Variants in DHX32 observed in about 807,000 individuals in gnomAD.
DHX32 encodes the protein DEAH-box helicase 32 (putative).
DHX32 carries 51 observed loss-of-function variants against 70.0 expected under a neutral mutation model. That is an observed-to-expected ratio of 0.73 (90% CI 0.58 to 0.92). DHX32 has a LOEUF of 0.92. Ranked by LOEUF, DHX32 falls within the 40% of genes least tolerant of loss-of-function variation. DHX32 has a pLI of 0.00. For synonymous variants in DHX32, 310 were observed against 315.3 expected (o/e 0.98, Z 0.18); for missense variants, 762 against 891.8 (o/e 0.85, Z 1.85).
exon 1 of DHX32, chr10:125,896,409 A>T: frequency 1.6e-6 from 1 of 607,744 alleles, no homozygotes; most frequent in South Asian, 9.3e-5. Context: ...GGGCTTCAGG[A>T]GCAGTGTCCT....
upstream of DHX32, among the ~76,000 whole-genome samples, chr10:125,885,390 C>T (rs192961007): frequency 1.3e-4 from 20 of 152,176 alleles, no homozygotes; most frequent in Non-Finnish European, 2.1e-4. Flanking sequence ...TTATCCTGGA[C>T]GATCCTGGTG....
At chr10:125,862,685 TG>T (rs1406953271) in intron 2 of DHX32, among the ~76,000 whole-genome samples, 1 of 152,176 alleles carries the variant, frequency 6.6e-6, no homozygotes, top group Admixed American at 6.5e-5. Context: ...AAGGGAATTG[TG>T]AAGGCTCAAT....
chr10:125,886,761 A>G (rs1944342892), intron 1 of DHX32, among the ~76,000 whole-genome samples: 1 of 152,280 alleles, frequency 6.6e-6, no homozygotes, highest in African/African-American at 2.4e-5. Flanking sequence ...ATCAATTCAG[A>G]AGAGTTATCA....
At chr10:125,842,749 A>G (rs1464780665) in intron 6 of DHX32, 2 of 863,226 alleles carry the variant, frequency 2.3e-6, no homozygotes, top group East Asian at 2.4e-4. Flanking sequence ...AGATGCTAGA[A>G]ATAGTAGACA....
chr10:125,861,076 T>C (rs1449916045), intron 2 of DHX32, among the ~76,000 whole-genome samples: 1 of 151,848 alleles, frequency 6.6e-6, no homozygotes, highest in Non-Finnish European at 1.5e-5. Flanking sequence ...TTTTTACCCA[T>C]TTAAGGTATT....
chr10:125,852,403 G>A lies in DHX32; in HGVS notation c.1241C>T (p.Thr414Met), dbSNP rs751334306. The A allele has an allele frequency of 1.8e-5, 29 of 1,614,044 alleles. No individual in the cohort carries two copies. The highest frequency in any genetic ancestry group is 1.6e-4 in the Middle Eastern group (1 of 6,084). Residue 414 changes from threonine to methionine, a missense_variant, in exon 6 of 11, where the codon ACG (threonine) becomes ATG (methionine). This residue lies in a region of DHX32 where 366 missense variants were observed against 402.6 expected (regional missense o/e 0.91). Transcript: ENST00000284690. The stretch of plus-strand genomic sequence containing the variant: ...CTGCATTTCTGCTGGCTTCAGTGGC[G>A]TCATGTCTTTGGAGGCAAATTCTTC... ...YTEEFASKDM[T>M]PLKPAEMQEA...
At chr10:125,895,591 T>C (rs1489025769) in intron 1 of DHX32, among the ~76,000 whole-genome samples, 1 of 152,260 alleles carries the variant, frequency 6.6e-6, no homozygotes, top group Non-Finnish European at 1.5e-5. Context: ...AAGCAAACCC[T>C]GAATCACTGT....
At chr10:125,856,758 C>T (rs1358737633) in intron 3 of DHX32, among the ~76,000 whole-genome samples, 1 of 151,364 alleles carries the variant, frequency 6.6e-6, no homozygotes, top group Non-Finnish European at 1.5e-5. Flanking sequence ...CCAGCCTGGG[C>T]AACATAGTTA....
chr10:125,880,872 C>T lies in DHX32; in HGVS notation c.-48G>A, dbSNP rs1381636986. On this transcript the variant is annotated 5_prime_UTR_variant, in exon 1 of 11. Coordinates refer to ENST00000284690, the MANE Select transcript of DHX32 (RefSeq NM_018180.3). ...CAGCTGACATTCCACAAGCAAGTTT[C>T]TCCTATCAGTAACCCATTGCAAACA... The T allele has an allele frequency of 6.3e-7, 1 of 1,579,024 alleles. No individual in the cohort carries two copies. The highest frequency in any genetic ancestry group is 1.8e-5 in the Admixed American group (1 of 54,644).
intron 6 of DHX32, among the ~76,000 whole-genome samples, chr10:125,850,519 G>A (rs772548462): frequency 6.6e-6 from 1 of 151,792 alleles, no homozygotes; most frequent in South Asian, 2.1e-4. Flanking sequence ...TACCATGCCC[G>A]GCTAATTTTG....
At position 125,854,218 on chromosome 10, in the gene DHX32, A is replaced by G; in HGVS notation, c.850-15T>C. On this transcript the variant is annotated splice_polypyrimidine_tract_variant and intron_variant, in intron 3 of 10. Transcript: ENST00000284690. Reference sequence around the variant, plus strand: ...TTCTCAATATCCTAAAGAAAAAAAAACCCATGAAAATAAAATACAATGCAA... The same window carrying G: ...TTCTCAATATCCTAAAGAAAAAAAAGCCCATGAAAATAAAATACAATGCAA... The G allele has an allele frequency of 1.3e-6, 2 of 1,565,522 alleles. No homozygotes were observed. Among genetic ancestry groups the G allele is most frequent in the Non-Finnish European group, 1.7e-6 (2 of 1,164,440 alleles).
rs114637739 is a variant in DHX32, at chr10:125,837,268, C to G, written c.2064-413G>C. On this transcript the variant is annotated intron_variant, in intron 10 of 10. Coordinates refer to ENST00000284690, the MANE Select transcript of DHX32 (RefSeq NM_018180.3). ...ACATCCAGCTGCGTAAGCCAGACATCTATGAGTCACTCTTGGTTGCTGCCT... is the reference window on the plus strand; with the variant it reads ...ACATCCAGCTGCGTAAGCCAGACATGTATGAGTCACTCTTGGTTGCTGCCT... 7.2e-3 allele frequency among the ~76,000 whole-genome samples: 1,091 copies of G among 152,284 alleles called. 13 individuals carry two copies. The highest frequency in any genetic ancestry group is 0.025 in the African/African-American group (1,028 of 41,548).
intron 6 of DHX32, among the ~76,000 whole-genome samples, chr10:125,845,132 A>T (rs1302571210): frequency 2.0e-5 from 3 of 152,222 alleles, no homozygotes; most frequent in African/African-American, 7.2e-5. Context: ...GGCCAAGTGG[A>T]GTCCAAGGCC....
chr10:125,861,471 T>C (rs182856793), intron 2 of DHX32, among the ~76,000 whole-genome samples: 143 of 152,292 alleles, frequency 9.4e-4, no homozygotes, highest in African/African-American at 3.4e-3. Context: ...CACTCCAGCC[T>C]GGGCGACAGA....
At chr10:125,896,308 TCGGCGACAGCGGGGACC>T (rs1944521699) in exon 1 of DHX32, 3 of 156,536 alleles carry the variant, frequency 1.9e-5, no homozygotes, top group African/African-American at 8.2e-5. Context: ...ACGCCGCGGG[TCGGCGACAGCGGGGACC>T]GCGGGTCGGC....
intron 6 of DHX32, among the ~76,000 whole-genome samples, chr10:125,845,840 G>A (rs1424934371): frequency 6.6e-6 from 1 of 152,220 alleles, no homozygotes; most frequent in Non-Finnish European, 1.5e-5. Flanking sequence ...GCAGGCGGAG[G>A]CCAGCTCCTC....
At chr10:125,840,464 G>T (rs1854844120) in intron 8 of DHX32, among the ~76,000 whole-genome samples, 1 of 152,238 alleles carries the variant, frequency 6.6e-6, no homozygotes, top group Non-Finnish European at 1.5e-5. Flanking sequence ...AATGTGCCAG[G>T]ATACGGAAGG....
At position 125,871,247 on chromosome 10, in the gene DHX32, C is replaced by G. The variant is rs1036138895; in HGVS notation, c.283-4064G>C. Among the ~76,000 whole-genome samples, 5 of 152,310 alleles carry G rather than the reference C, an allele frequency of 3.3e-5. No homozygotes were observed. In the East Asian group the frequency reaches 9.6e-4, roughly 29 times the overall value. On this transcript the variant is annotated intron_variant, in intron 1 of 10. Transcript: ENST00000284690. ...ATACCAATCCAACAGTCTTCATTTT[C>G]CTTTTCTGCCTTCCTCTACATTAGA...
intron 1 of DHX32, among the ~76,000 whole-genome samples, chr10:125,870,663 C>T (rs1324438037): frequency 6.6e-6 from 1 of 151,832 alleles, no homozygotes; most frequent in Non-Finnish European, 1.5e-5. Flanking sequence ...GTGACGAAAC[C>T]CCATCTCTAT....
Sources: allele counts gnomAD v4.1 joint callset (sites outside exome capture counted in the v4.1 genomes callset), GRCh38; gene constraint gnomAD v4.1.1; regional missense constraint gnomAD v4.1.1; transcripts MANE v1.5; gene names NCBI Gene and HGNC (gene_info 2026-07-23, HGNC 2026-07-21).